ADAMTS17: variants seen among roughly 807,000 people sequenced by gnomAD.
The protein encoded by ADAMTS17 is A disintegrin and metalloproteinase with thrombospondin motifs 17.
ADAMTS17 carries 113 observed loss-of-function variants against 141.5 expected under a neutral mutation model. That is an observed-to-expected ratio of 0.80 (90% CI 0.69 to 0.93). The LOEUF (loss-of-function observed/expected upper bound fraction) is 0.93. Ranked by LOEUF, ADAMTS17 falls within the 40% of genes least tolerant of loss-of-function variation. The pLI is 0.00. For missense variants in ADAMTS17, 1,659 were observed against 1,517.9 expected, an observed-to-expected ratio of 1.09 and a Z score of -1.54; for synonymous variants, 768 against 630.6, an observed-to-expected ratio of 1.22 and a Z score of -3.27.
intron 3 of ADAMTS17, among the ~76,000 whole-genome samples, chr15:100,328,143 C>T (rs1018914917): frequency 7.9e-5 from 12 of 152,168 alleles, no homozygotes; most frequent in African/African-American, 2.4e-5. Flanking sequence ...AGAGCATGTT[C>T]CCATGGGAAA....
chr15:100,330,440 T>G (rs370177391), intron 3 of ADAMTS17, among the ~76,000 whole-genome samples: 1 of 152,224 alleles, frequency 6.6e-6, no homozygotes, highest in Non-Finnish European at 1.5e-5. Context: ...ATGCTGATGC[T>G]GCTGGCCCGG....
At chr15:100,234,728 A>G (rs969819921) in intron 7 of ADAMTS17, among the ~76,000 whole-genome samples, 4 of 152,210 alleles carry the variant, frequency 2.6e-5, no homozygotes, top group Non-Finnish European at 5.9e-5. Flanking sequence ...AGGCAGCCCC[A>G]GGGACTCCCC....
At chr15:100,152,369 GCA>G in intron 10 of ADAMTS17, among the ~76,000 whole-genome samples, 1 of 152,086 alleles carries the variant, frequency 6.6e-6, no homozygotes, top group African/African-American at 2.4e-5. Flanking sequence ...GCCTGCAACT[GCA>G]TGTGTAGGTG....
chr15:100,206,723 T>C (rs1003370643), intron 7 of ADAMTS17, among the ~76,000 whole-genome samples: 31 of 152,236 alleles, frequency 2.0e-4, no homozygotes, highest in African/African-American at 6.7e-4. Flanking sequence ...AAGTCTTCCA[T>C]GGGGTCAGAT....
chr15:100,035,321 C>A (rs2030600694), intron 18 of ADAMTS17, among the ~76,000 whole-genome samples: 1 of 152,190 alleles, frequency 6.6e-6, no homozygotes, highest in South Asian at 2.1e-4. Context: ...AAAACGTGAT[C>A]ATAAGGGATG....
At chr15:100,238,564 G>A (rs912259931) in intron 7 of ADAMTS17, among the ~76,000 whole-genome samples, 1 of 152,210 alleles carries the variant, frequency 6.6e-6, no homozygotes, top group African/African-American at 2.4e-5. Flanking sequence ...AGAAAACACA[G>A]GGTAAAAGCA....
intron 21 of ADAMTS17, among the ~76,000 whole-genome samples, chr15:99,975,712 G>A (rs2060308325): frequency 6.6e-6 from 1 of 152,174 alleles, no homozygotes; most frequent in Non-Finnish European, 1.5e-5. Context: ...TGCCCCTGGA[G>A]CTTTCATTTC....
chr15:100,155,909 T>G (rs536357001), intron 8 of ADAMTS17, among the ~76,000 whole-genome samples: 2 of 152,316 alleles, frequency 1.3e-5, no homozygotes, highest in African/African-American at 4.8e-5. Flanking sequence ...CATCACACTG[T>G]GAGCTGAACA....
At chr15:100,141,769 T>A (rs147357317) in intron 10 of ADAMTS17, among the ~76,000 whole-genome samples, 1 of 152,200 alleles carries the variant, frequency 6.6e-6, no homozygotes. Context: ...GAAAAGGCAG[T>A]CTACTGTAAA....
intron 3 of ADAMTS17, among the ~76,000 whole-genome samples, chr15:100,320,705 T>C (rs2045707240): frequency 6.6e-6 from 1 of 152,090 alleles, no homozygotes; most frequent in African/African-American, 2.4e-5. Context: ...TGGTGGCGCA[T>C]GCCTGTAGTC....
chr15:100,304,212 C>T (rs1485827237), intron 3 of ADAMTS17, among the ~76,000 whole-genome samples: 1 of 152,178 alleles, frequency 6.6e-6, no homozygotes, highest in Non-Finnish European at 1.5e-5. Flanking sequence ...AACAACTTGT[C>T]TGAGTGTCAC....
At chr15:100,292,802 T>C (rs1237690869) in intron 3 of ADAMTS17, among the ~76,000 whole-genome samples, 1 of 152,206 alleles carries the variant, frequency 6.6e-6, no homozygotes, top group Admixed American at 6.5e-5. Context: ...GTTCTGAGTT[T>C]CCTAAAACCA....
At chr15:100,134,285 C>A (rs912625967) in intron 10 of ADAMTS17, among the ~76,000 whole-genome samples, 8 of 152,238 alleles carry the variant, frequency 5.3e-5, no homozygotes, top group African/African-American at 1.9e-4. Context: ...TGACTGCTCT[C>A]TCCCTCACCC....
In ADAMTS17 at chr15:100,133,309, T is replaced by C. The variant is rs1266795352; in HGVS notation, c.1480A>G (p.Met494Val). 2 of 1,584,158 alleles carry C rather than the reference T, an allele frequency of 1.3e-6. No homozygotes were observed. Among genetic ancestry groups the C allele is most frequent in the African/African-American group, 1.3e-5 (1 of 74,574 alleles). Reference sequence around the variant, plus strand: ...ACCAGGCACCACAGTCCAGCACACATTAGATGCTGCAGGACAAGGGAAGGA... The same window carrying C: ...ACCAGGCACCACAGTCCAGCACACACTAGATGCTGCAGGACAAGGGAAGGA... ...ATFCRNMEHL[M>V]CAGLWCLVEG... Residue 494 changes from methionine to valine, a missense_variant, in exon 11 of 22, where the codon ATG (methionine) becomes GTG (valine). Transcript: ENST00000268070.
intron 4 of ADAMTS17, among the ~76,000 whole-genome samples, chr15:100,270,390 T>A (rs1201569443): frequency 1.3e-5 from 2 of 152,196 alleles, no homozygotes; most frequent in East Asian, 3.9e-4. Flanking sequence ...GTAGGAAGTA[T>A]AAGTGTATTA....
intron 7 of ADAMTS17, among the ~76,000 whole-genome samples, chr15:100,239,443 G>A (rs139584875): frequency 2.0e-5 from 3 of 151,882 alleles, no homozygotes; most frequent in African/African-American, 7.3e-5. Context: ...ACGCTCTTCA[G>A]CTCTCCAAGG....
At chr15:100,213,573 T>G (rs2041875839) in intron 7 of ADAMTS17, among the ~76,000 whole-genome samples, 1 of 152,198 alleles carries the variant, frequency 6.6e-6, no homozygotes, top group Non-Finnish European at 1.5e-5. Context: ...AATCACTCTC[T>G]CTCGGTCTAA....
intron 20 of ADAMTS17, among the ~76,000 whole-genome samples, chr15:99,981,218 T>C (rs2060476762): frequency 1.3e-5 from 2 of 152,224 alleles, no homozygotes; most frequent in South Asian, 4.1e-4. Flanking sequence ...TCATTATCTT[T>C]CCTAGCATGG....
At chr15:100,196,533 T>C (rs761443699) in intron 8 of ADAMTS17, among the ~76,000 whole-genome samples, 15 of 152,270 alleles carry the variant, frequency 9.9e-5, no homozygotes, top group Non-Finnish European at 1.8e-4. Flanking sequence ...TTGCGTGCTG[T>C]GTGCAAAGGC....
Sources: allele counts gnomAD v4.1 joint callset (sites outside exome capture counted in the v4.1 genomes callset), GRCh38; gene constraint gnomAD v4.1.1; transcripts MANE v1.5; gene names NCBI Gene and HGNC (gene_info 2026-07-23, HGNC 2026-07-21).